BRIP1: variants seen among roughly 807,000 people sequenced by gnomAD.
BRIP1 encodes BRCA1 interacting DNA helicase 1, also known as Fanconi anemia group J protein.
Under a neutral mutation model 119.7 loss-of-function variants are expected in BRIP1, and 88 were observed. The ratio of observed to expected loss-of-function variants is 0.74; its 90% CI spans 0.62 to 0.88. The LOEUF is 0.88. Among genes scored for constraint, BRIP1 ranks in the 40% least tolerant of loss-of-function variants. BRIP1 has a pLI of 0.00. For missense variants in BRIP1, 1,259 were observed against 1,455.4 expected (o/e 0.87, Z 2.20); for synonymous variants, 443 against 496.5 (o/e 0.89, Z 1.43).
At position 61,683,141 on chromosome 17, in the gene BRIP1, ACCC is replaced by A; in HGVS notation, c.*152_*154del. ...CCAAGACTCTGTCTCAAAAAAAAAA[ACCC>A]AAAAACTCAAGAATAATAACATTTA... On this transcript the variant is annotated 3_prime_UTR_variant, in exon 20 of 20. Transcript: ENST00000259008. This position sits in a 1 kb window ranked among gnomAD's most constrained non-coding sequence, Gnocchi z 4.7. 1.0e-6 allele frequency: 1 copy of A among 978,034 alleles called. No individual in the cohort carries two copies. The highest frequency in any genetic ancestry group is 1.7e-5 in the African/African-American group (1 of 60,452). The allele number at this position is 978,034 out of a possible 1,614,324, so 60.6% of individuals were successfully genotyped here.
chr17:61,780,817 T>C lies in BRIP1; in HGVS notation c.1794+23A>G. The C allele has an allele frequency of 6.2e-7, 1 of 1,610,884 alleles. No individual in the cohort carries two copies. Among genetic ancestry groups the C allele is most frequent in the Non-Finnish European group, 8.5e-7 (1 of 1,177,058 alleles). ...CTGGTACTGAGCAAGAAGACAAAAT[T>C]TCCATTTACATGATGAGCTTACCAC... On this transcript the variant is annotated intron_variant, in intron 12 of 19. Coordinates refer to ENST00000259008, the MANE Select transcript of BRIP1 (RefSeq NM_032043.3). This position sits in a 1 kb window ranked among gnomAD's most constrained non-coding sequence, Gnocchi z 5.4.
chr17:61,688,751 C>T (rs1603278084), intron 18 of BRIP1, among the ~76,000 whole-genome samples: 1 of 146,542 alleles, frequency 6.8e-6, no homozygotes, highest in Non-Finnish European at 1.5e-5. Context: ...AGAAACCAAC[C>T]CTTAAAAAAA....
rs780799689 is a variant in BRIP1, at chr17:61,701,092, A to C, written c.2493-7580T>G. On this transcript the variant is annotated intron_variant, in intron 17 of 19. Transcript: ENST00000259008. This position sits in a 1 kb window ranked among gnomAD's most constrained non-coding sequence, Gnocchi z 5.1. ...TTGACACAGTTTGCTTAGTTATTGA[A>C]TGTATTTGAACTAGCTTTCTCTCCT... is the stretch of plus-strand genomic sequence containing the variant. Among the ~76,000 whole-genome samples the C allele has an allele frequency of 7.9e-5, 12 of 152,066 alleles. No homozygotes were observed. The highest frequency in any genetic ancestry group is 1.3e-4 in the Admixed American group (2 of 15,256).
In BRIP1 at chr17:61,697,210, A is replaced by C. The variant is rs1603283085; in HGVS notation, c.2493-3698T>G. On this transcript the variant is annotated intron_variant, in intron 17 of 19. Transcript: ENST00000259008. Reference sequence around the variant, plus strand: ...AATGCAGCCGGGCATGGTGGCAGGCACCTGTAATCCTAGCTACTCAGGAGG... The same window carrying C: ...AATGCAGCCGGGCATGGTGGCAGGCCCCTGTAATCCTAGCTACTCAGGAGG... Among the ~76,000 whole-genome samples, 4 of 150,494 alleles carry C rather than the reference A, an allele frequency of 2.7e-5. No homozygotes were observed. The East Asian group carries it at 7.9e-4, about 30-fold the overall frequency.
Position 61,768,953 on chromosome 17 carries a change from A to G in BRIP1, c.2097+7448T>C, listed in dbSNP as rs927038861. On this transcript the variant is annotated intron_variant, in intron 14 of 19. Coordinates refer to ENST00000259008, the MANE Select transcript of BRIP1 (RefSeq NM_032043.3). This position sits in a 1 kb window ranked among gnomAD's most constrained non-coding sequence, Gnocchi z 5.0. ...GTTGGCTTTGAAGAAGGAAAAAAAA[A>G]AGTAGTAGTAGTAATAAGCTGCCAC... Among the ~76,000 whole-genome samples the G allele has an allele frequency of 2.0e-5, 3 of 152,156 alleles. No individual in the cohort carries two copies. Among genetic ancestry groups the G allele is most frequent in the Non-Finnish European group, 2.9e-5 (2 of 68,014 alleles).
In BRIP1 at chr17:61,738,517, T is replaced by C. The variant is rs192441533; in HGVS notation, c.2379+4496A>G. On this transcript the variant is annotated intron_variant, in intron 16 of 19. Transcript: ENST00000259008. This position sits in a 1 kb window ranked among gnomAD's most constrained non-coding sequence, Gnocchi z 4.2. ...GCTGTTTTATGCACATAAGCAGAACTATGACAAATAGGATCATGACTGAGG... is the reference window on the plus strand; with the variant it reads ...GCTGTTTTATGCACATAAGCAGAACCATGACAAATAGGATCATGACTGAGG... Among the ~76,000 whole-genome samples the C allele has an allele frequency of 6.6e-6, 1 of 152,240 alleles. No homozygotes were observed. Among genetic ancestry groups the C allele is most frequent in the Admixed American group, 6.5e-5 (1 of 15,282 alleles).
At chr17:61,733,158 T>C (rs1450178714) in intron 16 of BRIP1, among the ~76,000 whole-genome samples, 1 of 152,234 alleles carries the variant, frequency 6.6e-6, no homozygotes, top group Non-Finnish European at 1.5e-5. Flanking sequence ...AATATTCATA[T>C]TGCCGTCAAA....
At chr17:61,732,989 C>T (rs1364185418) in intron 16 of BRIP1, among the ~76,000 whole-genome samples, 1 of 152,126 alleles carries the variant, frequency 6.6e-6, no homozygotes, top group African/African-American at 2.4e-5. Flanking sequence ...CCACTGCACA[C>T]GGCCGTCATT....
In BRIP1 at chr17:61,845,156, G is replaced by A. The variant is rs1466939223; in HGVS notation, c.627+1945C>T. On this transcript the variant is annotated intron_variant, in intron 6 of 19. Transcript: ENST00000259008. The surrounding 1 kb of genome is among the most constrained non-coding windows in gnomAD (Gnocchi z 4.2). ...CTCAACATATAGCTTACATTATAAT[G>A]ATGTTGATGATTATTGCAATTTAAC... Among the ~76,000 whole-genome samples the A allele has an allele frequency of 1.3e-5, 2 of 152,188 alleles. No homozygotes were observed. The highest frequency in any genetic ancestry group is 2.9e-5 in the Non-Finnish European group (2 of 68,036).
intron 16 of BRIP1, among the ~76,000 whole-genome samples, chr17:61,723,706 A>C (rs1209762730): frequency 2.0e-5 from 3 of 152,200 alleles, no homozygotes; most frequent in African/African-American, 7.2e-5. Flanking sequence ...CAAAATAGAA[A>C]GCTATACTTA....
At position 61,679,323 on chromosome 17, in the gene BRIP1, A is replaced by T. The variant is rs1393377485; in HGVS notation, c.*3973T>A. 6.6e-6 allele frequency among the ~76,000 whole-genome samples: 1 copy of T among 152,200 alleles called. No individual in the cohort carries two copies. Among genetic ancestry groups the T allele is most frequent in the Non-Finnish European group, 1.5e-5 (1 of 68,016 alleles). ...GTAATAACTAAGTGCATAGAAACAT[A>T]GTAATAGTTTTATAACACAATTCTA... On this transcript the variant is annotated 3_prime_UTR_variant, in exon 20 of 20. Transcript: ENST00000259008. This position sits in a 1 kb window ranked among gnomAD's most constrained non-coding sequence, Gnocchi z 4.4.
chr17:61,749,134 TA>T (rs34716903), intron 14 of BRIP1, among the ~76,000 whole-genome samples: 28 of 144,752 alleles, frequency 1.9e-4, no homozygotes, highest in Admixed American at 3.5e-4. Context: ...AGACTCTGTC[TA>T]AAAAAAAAAA....
chr17:61,731,079 T>TA (rs762489777), intron 16 of BRIP1, among the ~76,000 whole-genome samples: 301 of 130,716 alleles, frequency 2.3e-3, no homozygotes, highest in Middle Eastern at 7.9e-3. Flanking sequence ...CAAACTATCT[T>TA]AAAAAAAAAA....
rs2061418973 is a variant in BRIP1, at chr17:61,689,677, A to G, written c.2576-3512T>C. On this transcript the variant is annotated intron_variant, in intron 18 of 19. Transcript: ENST00000259008. The surrounding 1 kb of genome is among the most constrained non-coding windows in gnomAD (Gnocchi z 4.5). Reference sequence around the variant, plus strand: ...AAAACAATAGAAATTTGAAAACAGCAAGATAAAAGCAACTTGTCATATACA... The same window carrying G: ...AAAACAATAGAAATTTGAAAACAGCGAGATAAAAGCAACTTGTCATATACA... 6.6e-6 allele frequency among the ~76,000 whole-genome samples: 1 copy of G among 152,196 alleles called. No individual in the cohort carries two copies. The highest frequency in any genetic ancestry group is 1.5e-5 in the Non-Finnish European group (1 of 68,046).
At chr17:61,858,633 A>G (rs2078932195) in intron 3 of BRIP1, among the ~76,000 whole-genome samples, 1 of 152,140 alleles carries the variant, frequency 6.6e-6, no homozygotes. Context: ...TTGGCCTCCC[A>G]AAGTGCTGGG....
rs1161435148 is a variant in BRIP1, at chr17:61,778,720, G to A, written c.1935+1541C>T. On this transcript the variant is annotated intron_variant, in intron 13 of 19. Coordinates refer to ENST00000259008, the MANE Select transcript of BRIP1 (RefSeq NM_032043.3). The surrounding 1 kb of genome is among the most constrained non-coding windows in gnomAD (Gnocchi z 4.4). ...TCTCTAAAGAAAGCAACTTGAAAAC[G>A]TGGAACATGTATTCTTCCTTCACTG... Among the ~76,000 whole-genome samples the A allele has an allele frequency of 1.3e-5, 2 of 152,126 alleles. No individual in the cohort carries two copies. The highest frequency in any genetic ancestry group is 2.9e-5 in the Non-Finnish European group (2 of 68,026).
At chr17:61,791,181 G>C (rs940018637) in intron 10 of BRIP1, among the ~76,000 whole-genome samples, 1 of 151,914 alleles carries the variant, frequency 6.6e-6, no homozygotes, top group Non-Finnish European at 1.5e-5. Context: ...AATAACATCA[G>C]CAAGATGGAA....
In BRIP1 at chr17:61,804,448, ATGTG is replaced by A. The variant is rs781641038; in HGVS notation, c.919-2978_919-2975del. Among the ~76,000 whole-genome samples the A allele has an allele frequency of 1.6e-5, 2 of 122,724 alleles. No individual in the cohort carries two copies. Among genetic ancestry groups the A allele is most frequent in the Non-Finnish European group, 3.5e-5 (2 of 57,056 alleles). 80.5% of individuals were successfully genotyped at this position (122,724 alleles called of 152,430 possible). On this transcript the variant is annotated intron_variant, in intron 7 of 19. Transcript: ENST00000259008. This position sits in a 1 kb window ranked among gnomAD's most constrained non-coding sequence, Gnocchi z 4.5. ...TGTGTGTGTGTGTGTGTGTGTGTGT[ATGTG>A]TGTGTACATACACATACATATATAC...
rs1472532143 is a variant in BRIP1, at chr17:61,725,874, G to T, written c.2380-9811C>A. 2.0e-5 allele frequency among the ~76,000 whole-genome samples: 3 copies of T among 152,136 alleles called. No individual in the cohort carries two copies. The highest frequency in any genetic ancestry group is 7.2e-5 in the African/African-American group (3 of 41,444). On this transcript the variant is annotated intron_variant, in intron 16 of 19. Coordinates refer to ENST00000259008, the MANE Select transcript of BRIP1 (RefSeq NM_032043.3). This position sits in a 1 kb window ranked among gnomAD's most constrained non-coding sequence, Gnocchi z 5.3. ...ACTCCTGGCCTCAAACAATCCTCCT[G>T]TCTTGGCCTCCCAAAGCTGTGGGAT...
Sources: allele counts gnomAD v4.1 joint callset (sites outside exome capture counted in the v4.1 genomes callset), GRCh38; gene constraint gnomAD v4.1.1; non-coding constraint Gnocchi (gnomAD v3.1); transcripts MANE v1.5; gene names NCBI Gene and HGNC (gene_info 2026-07-23, HGNC 2026-07-21).